ABCB11: variants seen among roughly 807,000 people sequenced by gnomAD.
ABCB11 encodes the protein bile salt export pump.
Under a neutral mutation model 148.0 loss-of-function variants are expected in ABCB11, and 95 were observed. That is an observed-to-expected ratio of 0.64 (90% CI 0.54 to 0.76). ABCB11 has a LOEUF of 0.76. Ranked by LOEUF, ABCB11 falls within the 30% of genes least tolerant of loss-of-function variation. The probability of loss-of-function intolerance (pLI) is 0.00; values close to 1 mark genes in which losing one functional copy is unlikely to be tolerated. For missense variants in ABCB11, 1,523 were observed against 1,617.8 expected (o/e 0.94, Z 1.01); for synonymous variants, 591 against 555.4 (o/e 1.06, Z -0.90).
At chr2:169,028,693 G>T (rs934816810) in intron 1 of ABCB11, among the ~76,000 whole-genome samples, 1 of 151,934 alleles carries the variant, frequency 6.6e-6, no homozygotes, top group African/African-American at 2.4e-5. Flanking sequence ...GGCAAGAAAG[G>T]ATATGATCAA....
intron 5 of ABCB11, among the ~76,000 whole-genome samples, chr2:169,002,748 A>G: frequency 6.6e-6 from 1 of 152,136 alleles, no homozygotes; most frequent in East Asian, 1.9e-4. Context: ...ATAGAAGCAG[A>G]GAGTAAAATG....
At chr2:169,022,459 G>C (rs970096038) in intron 1 of ABCB11, among the ~76,000 whole-genome samples, 3 of 151,846 alleles carry the variant, frequency 2.0e-5, no homozygotes, top group Non-Finnish European at 4.4e-5. Context: ...ACCAGGTTAA[G>C]ATTAATTTTC....
chr2:168,971,864 T>G lies in ABCB11; in HGVS notation c.1621A>C (p.Ile541Leu), dbSNP rs979738325. The G allele has an allele frequency of 4.3e-6, 7 of 1,612,690 alleles. No homozygotes were observed. The highest frequency in any genetic ancestry group is 5.9e-6 in the Non-Finnish European group (7 of 1,179,140). Reference sequence around the variant, plus strand: ...AGGGGTACCTGTGGCAGGTCCATGATGAAGTTGTAGGCATTGGCCTCCTTG... The same window carrying G: ...AGGGGTACCTGTGGCAGGTCCATGAGGAAGTTGTAGGCATTGGCCTCCTTG... ...AAKEANAYNF[I>L]MDLPQQFDTL... is the part of the protein sequence containing the mutation. Residue 541 changes from isoleucine (I) to leucine (L), a missense_variant, in exon 14 of 28, where the codon ATC becomes CTC. Transcript: ENST00000650372.
At chr2:168,957,848 A>T in intron 19 of ABCB11, 116 bp downstream of exon 19, 1 of 1,049,302 alleles carries the variant, frequency 9.5e-7, no homozygotes, top group Non-Finnish European at 1.3e-6. Flanking sequence ...TTCTTTAGAG[A>T]TGAGAAAAAT....
At chr2:168,999,904 T>C (rs1370756363) in intron 5 of ABCB11, among the ~76,000 whole-genome samples, 1 of 152,140 alleles carries the variant, frequency 6.6e-6, no homozygotes, top group Non-Finnish European at 1.5e-5. Flanking sequence ...ACTAAACTGT[T>C]TTCCAGGATA....
intron 5 of ABCB11, among the ~76,000 whole-genome samples, chr2:168,997,503 A>AC (rs1694752754): frequency 6.6e-6 from 1 of 152,030 alleles, no homozygotes; most frequent in Non-Finnish European, 1.5e-5. Context: ...GAGGAAAAAA[A>AC]AATTCTGAAA....
intron 10 of ABCB11, among the ~76,000 whole-genome samples, chr2:168,982,213 C>T (rs1343027461): frequency 6.6e-6 from 1 of 152,122 alleles, no homozygotes; most frequent in East Asian, 1.9e-4. Context: ...AAGACAGAGT[C>T]AGAGGCAGGA....
At chr2:168,959,841 A>C (rs757145104) in intron 18 of ABCB11, among the ~76,000 whole-genome samples, 1 of 150,278 alleles carries the variant, frequency 6.7e-6, no homozygotes, top group Non-Finnish European at 1.5e-5. Context: ...AGCCAGTGCA[A>C]ATGCTGAACA....
chr2:169,008,293 T>C (rs1479044147), intron 5 of ABCB11, among the ~76,000 whole-genome samples: 1 of 152,090 alleles, frequency 6.6e-6, no homozygotes, highest in African/African-American at 2.4e-5. Context: ...AAGAGAGAAA[T>C]TTCCCCCTGC....
chr2:168,988,631 A>G (rs1238403230), intron 9 of ABCB11, among the ~76,000 whole-genome samples: 1 of 152,106 alleles, frequency 6.6e-6, no homozygotes, highest in Non-Finnish European at 1.5e-5. Flanking sequence ...ATATATACCC[A>G]GTAGTGGGGA....
At chr2:169,014,783 A>G (rs933463870) in intron 3 of ABCB11, among the ~76,000 whole-genome samples, 2 of 152,192 alleles carry the variant, frequency 1.3e-5, no homozygotes, top group African/African-American at 2.4e-5. Context: ...AATAATGTTG[A>G]TAATGATGAA....
intron 12 of ABCB11, among the ~76,000 whole-genome samples, chr2:168,976,097 A>C (rs949362789): frequency 6.6e-6 from 1 of 152,102 alleles, no homozygotes; most frequent in Non-Finnish European, 1.5e-5. Flanking sequence ...ACCTTCCTAT[A>C]AGGGCTGATG....
At chr2:169,003,913 T>A (rs1694949756) in intron 5 of ABCB11, among the ~76,000 whole-genome samples, 2 of 152,214 alleles carry the variant, frequency 1.3e-5, no homozygotes, top group African/African-American at 4.8e-5. Context: ...TTTATGAAGT[T>A]AAGTGCCATT....
At position 168,971,839 on chromosome 2, in the gene ABCB11, A is replaced by G. The variant is rs193048560; in HGVS notation, c.1638+8T>C. On this transcript the variant is annotated splice_region_variant and intron_variant, in intron 14 of 27. Coordinates refer to ENST00000650372, the MANE Select transcript of ABCB11 (RefSeq NM_003742.4). ...TAGTTTCTCCCAGGAATGTATGGCT[A>G]GGGGTACCTGTGGCAGGTCCATGAT... is the stretch of plus-strand genomic sequence containing the variant. 6.2e-7 allele frequency: 1 copy of G among 1,611,806 alleles called. No homozygotes were observed. The highest frequency in any genetic ancestry group is 1.7e-5 in the Admixed American group (1 of 59,872).
intron 1 of ABCB11, among the ~76,000 whole-genome samples, chr2:169,019,885 C>A (rs1312879827): frequency 6.6e-6 from 1 of 152,148 alleles, no homozygotes; most frequent in Admixed American, 6.6e-5. Context: ...TATTCAGCAT[C>A]TTTACAGACA....
intron 11 of ABCB11, 32 bp downstream of exon 11, chr2:168,979,834 G>A (rs758617523): frequency 1.5e-6 from 2 of 1,323,312 alleles, no homozygotes; most frequent in Admixed American, 3.7e-5. Flanking sequence ...GCCCCCACCT[G>A]TTAATGGCCT....
chr2:168,989,923 C>T (rs1694456231), intron 9 of ABCB11, among the ~76,000 whole-genome samples: 1 of 152,004 alleles, frequency 6.6e-6, no homozygotes, highest in South Asian at 2.1e-4. Context: ...ATTGACATGC[C>T]TATGTTGAAC....
intron 11 of ABCB11, 114 bp downstream of exon 11, chr2:168,979,752 C>T: frequency 2.0e-6 from 1 of 491,254 alleles, no homozygotes; most frequent in East Asian, 3.9e-5. Context: ...AATTAAGGGC[C>T]TTGCGATAGC....
chr2:169,014,061 T>A (rs1695278427), intron 4 of ABCB11, among the ~76,000 whole-genome samples: 1 of 152,182 alleles, frequency 6.6e-6, no homozygotes, highest in Non-Finnish European at 1.5e-5. Context: ...ATGATAACCA[T>A]GGGCTTAGTG....
Sources: allele counts gnomAD v4.1 joint callset (sites outside exome capture counted in the v4.1 genomes callset), GRCh38; gene constraint gnomAD v4.1.1; transcripts MANE v1.5; gene names NCBI Gene and HGNC (gene_info 2026-07-23, HGNC 2026-07-21).